Variants in GNAS observed in about 807,000 individuals in gnomAD.
GNAS encodes GNAS complex locus.
A neutral mutation model predicts 54.5 loss-of-function variants in GNAS; 8 were observed. The observed-to-expected ratio is 0.15, with a 90% CI of 0.09 to 0.26. GNAS has a LOEUF of 0.26. Ranked by LOEUF, GNAS falls within the 10% of genes least tolerant of loss-of-function variation. The pLI is 1.00. For synonymous variants in GNAS, 204 were observed against 191.4 expected (o/e 1.07, Z -0.54); for missense variants, 170 against 529.8 (o/e 0.32, Z 6.67).
intron 1 of GNAS, among the ~76,000 whole-genome samples, chr20:58,870,417 T>C (rs2087362768): frequency 2.6e-5 from 4 of 152,252 alleles, no homozygotes; most frequent in Admixed American, 2.0e-4. Context: ...GGCAGGTGGC[T>C]GCCTCTTTCC....
At chr20:58,889,131 G>A (rs2088837579), upstream of GNAS, 2 of 1,194,696 alleles carry the variant, frequency 1.7e-6, no homozygotes, top group African/African-American at 3.3e-5. Flanking sequence ...GAAGAGGCTG[G>A]GGCGTCATCG....
upstream of GNAS, chr20:58,840,741 A>G: frequency 2.5e-6 from 4 of 1,605,590 alleles, no homozygotes; most frequent in Non-Finnish European, 3.4e-6. This position sits in a 1 kb window ranked among gnomAD's most constrained non-coding sequence, Gnocchi z 6.0. Context: ...GAGCCCAAGG[A>G]GGAGAAGCAG....
At chr20:58,892,168 T>G in intron 1 of GNAS, 1 of 960,896 alleles carries the variant, frequency 1.0e-6, no homozygotes, top group African/African-American at 1.9e-5. Flanking sequence ...TTTCTCTCTT[T>G]CTCTCTTTTT....
intron 1 of GNAS, among the ~76,000 whole-genome samples, chr20:58,881,286 G>A (rs2088204320): frequency 6.6e-6 from 1 of 152,190 alleles, no homozygotes; most frequent in African/African-American, 2.4e-5. Flanking sequence ...AGTAAAAGGA[G>A]TGGTGCTTTA....
chr20:58,839,771 C>G, upstream of GNAS: 2 of 568,988 alleles, frequency 3.5e-6, no homozygotes, highest in Non-Finnish European at 6.2e-6. Flanking sequence ...CTCTCCCAGG[C>G]AAGAGGACCG....
intron 1 of GNAS, chr20:58,892,633 C>G (rs2089569420): frequency 6.6e-6 from 1 of 152,096 alleles, no homozygotes; most frequent in African/African-American, 2.4e-5. Flanking sequence ...TCGGGCAGGA[C>G]CGACTGACTG....
upstream of GNAS, among the ~76,000 whole-genome samples, chr20:58,890,009 G>A (rs1018276537): frequency 1.3e-5 from 2 of 151,498 alleles, no homozygotes; most frequent in African/African-American, 2.4e-5. Context: ...CGAGAGAGCC[G>A]CTCGCGCCGC....
rs2089371061 is a variant in GNAS at position 58,891,722 on chromosome 20, C to T, written c.-5C>T. 9.0e-7 allele frequency: 1 copy of T among 1,117,266 alleles called. No individual in the cohort carries two copies. Among genetic ancestry groups the T allele is most frequent in the Non-Finnish European group, 1.1e-6 (1 of 886,126 alleles). The allele number at this position is 1,117,266 out of a possible 1,614,324, so 69.2% of individuals were successfully genotyped here. ...CGGCCGCGCCCCGCCGCCGCCGCCG[C>T]CGCCATGGGCTGCCTCGGGAACAGT... On this transcript the variant is annotated 5_prime_UTR_variant, in exon 1 of 13. Transcript: ENST00000371085.
chr20:58,895,533 A>G, intron 1 of GNAS, 79 bp from the exon 2 acceptor site: 1 of 877,960 alleles, frequency 1.1e-6, no homozygotes, highest in South Asian at 1.3e-5. Flanking sequence ...ATGGAAAAAC[A>G]AAACAACAAC....
chr20:58,906,055 T>G (rs1181059024), intron 6 of GNAS, among the ~76,000 whole-genome samples: 1 of 152,220 alleles, frequency 6.6e-6, no homozygotes, highest in Non-Finnish European at 1.5e-5. Flanking sequence ...TATTTATTCC[T>G]TCTCACCGGG....
rs2087596621 is a variant in GNAS, at chr20:58,873,473, AATCCTGCCCAGT to A, written c.44-22138_44-22127del. 6.6e-6 allele frequency among the ~76,000 whole-genome samples: 1 copy of A among 152,214 alleles called. No individual in the cohort carries two copies. On this transcript the variant is annotated intron_variant, in intron 1 of 12. Transcript: ENST00000306090. This position sits in a 1 kb window ranked among gnomAD's most constrained non-coding sequence, Gnocchi z 4.3. The stretch of plus-strand genomic sequence containing the variant: ...TATGTCCAACTTGGCAAAAGCATGG[AATCCTGCCCAGT>A]CCTTGGTACACAGGGACTAGCACAT...
upstream of GNAS, chr20:58,889,351 C>CCCACGAGGGGCTGCGCACCGAG: frequency 1.0e-6 from 1 of 984,670 alleles, no homozygotes; most frequent in Non-Finnish European, 1.2e-6. Context: ...ACCTCACTCA[C>CCCACGAGGGGCTGCGCACCGAG]ATGTAAGTCG....
In GNAS at chr20:58,903,771, C is replaced by T. The variant is rs2146185128; in HGVS notation, c.412C>T (p.Pro138Ser). The T allele has an allele frequency of 6.2e-7, 1 of 1,613,920 alleles. No homozygotes were observed. The highest frequency in any genetic ancestry group is 8.5e-7 in the Non-Finnish European group (1 of 1,179,944). Residue 138 changes from proline (P) to serine (S), a missense_variant, in exon 5 of 13, where the codon CCT becomes TCT. By Grantham distance (74) the Pro-to-Ser change is moderately conservative. Around this residue, in one of 3 missense-constraint regions of GNAS, gnomAD observed 78 missense variants for 251.1 expected, o/e 0.31. Coordinates refer to ENST00000371085, the MANE Select transcript of GNAS (RefSeq NM_000516.7). ...CTACATCCTGAGTGTGATGAACGTG[C>T]CTGACTTTGACTTCCCTCCCGTAAG... is the stretch of plus-strand genomic sequence containing the variant. ...VDYILSVMNV[P>S]DFDFPPEFYE...
intron 2 of GNAS, among the ~76,000 whole-genome samples, chr20:58,896,704 G>T (rs942166984): frequency 6.6e-6 from 1 of 151,870 alleles, no homozygotes; most frequent in Non-Finnish European, 1.5e-5. Flanking sequence ...AGCATTAACC[G>T]CACTAGATTT....
At position 58,841,579 on chromosome 20, in the gene GNAS, G is replaced by C. The variant is rs1475310519; in HGVS notation, c.43+693G>C. On this transcript the variant is annotated intron_variant, in intron 1 of 12. Transcript: ENST00000306090. The surrounding 1 kb of genome is among the most constrained non-coding windows in gnomAD (Gnocchi z 5.0). ...CACAGCCCGCCTCCCGTCGCTCGCGGGACAGAGACCGCCTCAAAGAGCGTG... is the reference window on the plus strand; with the variant it reads ...CACAGCCCGCCTCCCGTCGCTCGCGCGACAGAGACCGCCTCAAAGAGCGTG... 9.9e-7 allele frequency: 1 copy of C among 1,009,032 alleles called. No homozygotes were observed. Among genetic ancestry groups the C allele is most frequent in the East Asian group, 9.5e-5 (1 of 10,488 alleles). 62.5% of individuals were successfully genotyped at this position (1,009,032 alleles called of 1,614,324 possible).
chr20:58,883,799 C>A (rs2088407735), intron 1 of GNAS, among the ~76,000 whole-genome samples: 1 of 152,036 alleles, frequency 6.6e-6, no homozygotes, highest in Non-Finnish European at 1.5e-5. Context: ...AGAGTTAGAG[C>A]CTGTACGAAA....
At chr20:58,860,342 TTTTTG>T (rs531282450) in intron 1 of GNAS, among the ~76,000 whole-genome samples, 17 of 152,042 alleles carry the variant, frequency 1.1e-4, no homozygotes, top group South Asian at 2.1e-4. Flanking sequence ...TTTTTTGGTT[TTTTTG>T]TTTTGTTTTG....
chr20:58,895,320 C>G (rs2089941973), intron 1 of GNAS: 3 of 432,040 alleles, frequency 6.9e-6, no homozygotes, highest in Admixed American at 7.0e-5. Context: ...CTCTTTGCCC[C>G]TTTCCAACAC....
chr20:58,854,535 GCATT>G, intron 1 of GNAS: 1 of 1,581,032 alleles, frequency 6.3e-7, no homozygotes, highest in African/African-American at 1.3e-5. Flanking sequence ...TGACTCCGGG[GCATT>G]CGCAGCCGAT....
Sources: allele counts gnomAD v4.1 joint callset (sites outside exome capture counted in the v4.1 genomes callset), GRCh38; gene constraint gnomAD v4.1.1; regional missense constraint gnomAD v4.1.1; non-coding constraint Gnocchi (gnomAD v3.1); transcripts MANE v1.5; gene names NCBI Gene and HGNC (gene_info 2026-07-23, HGNC 2026-07-21).